PGM5: variants seen among roughly 807,000 people sequenced by gnomAD.
PGM5 encodes the protein phosphoglucomutase-like protein 5.
A neutral mutation model predicts 59.2 loss-of-function variants in PGM5; 23 were observed. That is an observed-to-expected ratio of 0.39 (90% CI 0.28 to 0.55). The LOEUF (loss-of-function observed/expected upper bound fraction) is 0.55, where lower values mean the gene tolerates loss of function less well. Ranked by LOEUF, PGM5 falls within the 20% of genes least tolerant of loss-of-function variation. PGM5 has a pLI of 0.66. For synonymous variants in PGM5, 214 were observed against 286.0 expected (o/e 0.75, Z 2.54); for missense variants, 574 against 748.3 (o/e 0.77, Z 2.72).
chr9:68,390,166 C>T (rs1822328973), intron 4 of PGM5, among the ~76,000 whole-genome samples: 2 of 152,008 alleles, frequency 1.3e-5, no homozygotes, highest in South Asian at 4.1e-4. Flanking sequence ...TCTCCATGGG[C>T]CTTACTCTAA....
rs145715062 is a variant in PGM5, at chr9:68,400,266, C to G, written c.1043+7793C>G. On this transcript the variant is annotated intron_variant, in intron 6 of 10. Coordinates refer to ENST00000396396, the MANE Select transcript of PGM5 (RefSeq NM_021965.4). Reference sequence around the variant, plus strand: ...CTGATTATACAACATGCACAATCTCCTGATTATAGAACACGCATAATCTCC... The same window carrying G: ...CTGATTATACAACATGCACAATCTCGTGATTATAGAACACGCATAATCTCC... Among the ~76,000 whole-genome samples, 922 of 152,212 alleles carry G rather than the reference C, an allele frequency of 6.1e-3. 9 individuals are homozygous for G. Among genetic ancestry groups the G allele is most frequent in the African/African-American group, 0.021 (866 of 41,548 alleles).
chr9:68,416,522 A>C (rs1464746992), intron 6 of PGM5, among the ~76,000 whole-genome samples: 25 of 152,188 alleles, frequency 1.6e-4, no homozygotes, highest in African/African-American at 9.7e-5. Context: ...AAAATAAACT[A>C]TGTGAGTTTG....
At chr9:68,431,039 T>C (rs929740204) in intron 6 of PGM5, among the ~76,000 whole-genome samples, 2 of 152,192 alleles carry the variant, frequency 1.3e-5, no homozygotes, top group African/African-American at 4.8e-5. Flanking sequence ...TCCTGGGCCT[T>C]ATGTCACCAA....
intron 6 of PGM5, chr9:68,397,581 A>G (rs1447093814): frequency 2.0e-5 from 3 of 152,210 alleles, no homozygotes; most frequent in Admixed American, 2.0e-4. Context: ...TATCCACTCA[A>G]GAAATATTTA....
chr9:68,374,893 T>C (rs1821839524), intron 1 of PGM5, among the ~76,000 whole-genome samples: 1 of 152,220 alleles, frequency 6.6e-6, no homozygotes, highest in African/African-American at 2.4e-5. Flanking sequence ...GTAATATGTG[T>C]GAGCACATAT....
chr9:68,458,119 G>A (rs1823806634), intron 6 of PGM5, among the ~76,000 whole-genome samples: 1 of 152,170 alleles, frequency 6.6e-6, no homozygotes, highest in Admixed American at 6.5e-5. Flanking sequence ...CCCAGATGTA[G>A]GGGTCCAGAT....
At chr9:68,514,553 C>G (rs1554689599) in intron 10 of PGM5, among the ~76,000 whole-genome samples, 1 of 152,034 alleles carries the variant, frequency 6.6e-6, no homozygotes, top group East Asian at 1.9e-4. Context: ...TGTGGTGAAC[C>G]AAGATTGCAC....
chr9:68,414,654 AT>A (rs1254522500), intron 6 of PGM5, among the ~76,000 whole-genome samples: 2 of 151,944 alleles, frequency 1.3e-5, no homozygotes, highest in African/African-American at 2.4e-5. Flanking sequence ...GGAGAATCTC[AT>A]TGCCCAAGAA....
Position 68,411,484 on chromosome 9 carries a change from G to GTATATATATATA in PGM5, c.1043+19012_1043+19013insATATATATATAT, listed in dbSNP as rs782186409. On this transcript the variant is annotated intron_variant, in intron 6 of 10. Coordinates refer to ENST00000396396, the MANE Select transcript of PGM5 (RefSeq NM_021965.4). ...AAATATATAATGTGTGTGTGTGTGT[G>GTATATATATATA]TGTGTATATATATATATATGATTTT... is the stretch of plus-strand genomic sequence containing the variant. 2.7e-3 allele frequency among the ~76,000 whole-genome samples: 283 copies of GTATATATATATA among 105,936 alleles called. 3 individuals are homozygous for GTATATATATATA. Among genetic ancestry groups the GTATATATATATA allele is most frequent in the Non-Finnish European group, 2.4e-3 (112 of 46,146 alleles). 69.5% of individuals were successfully genotyped at this position (105,936 alleles called of 152,430 possible).
chr9:68,529,678 A>C lies in PGM5; in HGVS notation c.*22A>C. 1 of 1,463,826 alleles carries C rather than the reference A, an allele frequency of 6.8e-7. No homozygotes were observed. The highest frequency in any genetic ancestry group is 9.4e-7 in the Non-Finnish European group (1 of 1,064,242). 90.7% of individuals were successfully genotyped at this position (1,463,826 alleles called of 1,614,324 possible). A position where few individuals can be genotyped will look rare whatever the true frequency, so the allele number is the denominator to read the frequency against. ...CTGAATAGAGGAAAGATCACTCACC[A>C]GGGCCAAAGAGAGTGCTCAGCGGGA... On this transcript the variant is annotated 3_prime_UTR_variant, in exon 11 of 11. Coordinates refer to ENST00000396396, the MANE Select transcript of PGM5 (RefSeq NM_021965.4).
intron 6 of PGM5, among the ~76,000 whole-genome samples, chr9:68,436,706 AC>A (rs1278326614): frequency 2.0e-5 from 3 of 152,228 alleles, no homozygotes; most frequent in Non-Finnish European, 4.4e-5. Context: ...ATTCAAGGTT[AC>A]TTGAGTTGAG....
At chr9:68,373,809 C>A (rs1438965370) in intron 1 of PGM5, among the ~76,000 whole-genome samples, 3 of 152,184 alleles carry the variant, frequency 2.0e-5, no homozygotes, top group Admixed American at 2.0e-4. Context: ...TCTTGTCTAC[C>A]AAATGGGATG....
chr9:68,463,602 C>T (rs1554685602), intron 6 of PGM5, among the ~76,000 whole-genome samples: 7 of 152,172 alleles, frequency 4.6e-5, no homozygotes. Context: ...AAAAACTTGA[C>T]TTCTCTGAGC....
chr9:68,510,256 C>G (rs928265768), intron 10 of PGM5, among the ~76,000 whole-genome samples: 6 of 149,448 alleles, frequency 4.0e-5, no homozygotes, highest in Non-Finnish European at 8.9e-5. Flanking sequence ...GGTTCACGCC[C>G]TTCTCCTGCC....
intron 8 of PGM5, among the ~76,000 whole-genome samples, chr9:68,479,805 G>T (rs1410489980): frequency 6.6e-6 from 1 of 151,384 alleles, no homozygotes; most frequent in Non-Finnish European, 1.5e-5. Flanking sequence ...GTAGTGGCGG[G>T]CGCCTGTAGT....
At chr9:68,458,718 T>C (rs150564719) in intron 6 of PGM5, among the ~76,000 whole-genome samples, 1 of 152,346 alleles carries the variant, frequency 6.6e-6, no homozygotes, top group Admixed American at 6.5e-5. Context: ...CTAAAATTTA[T>C]ATATATGGTT....
intron 9 of PGM5, among the ~76,000 whole-genome samples, chr9:68,492,232 A>G (rs974795983): frequency 1.9e-4 from 29 of 152,164 alleles, no homozygotes; most frequent in African/African-American, 7.0e-4. Context: ...ACTGGGGTGG[A>G]TATTGTGTGA....
chr9:68,515,794 T>A (rs1554689674), intron 10 of PGM5, among the ~76,000 whole-genome samples: 2 of 152,254 alleles, frequency 1.3e-5, no homozygotes, highest in African/African-American at 4.8e-5. Context: ...GCAAATAAAC[T>A]TAAGCTAGAA....
intron 7 of PGM5, 106 bp downstream of exon 7, chr9:68,465,314 T>A: frequency 4.1e-6 from 3 of 739,488 alleles, no homozygotes; most frequent in Non-Finnish European, 4.7e-6. Context: ...AACAGTTAAG[T>A]AGAGGCAAAA....
Sources: gnomAD v4.1 joint callset for allele counts (sites outside exome capture counted in the v4.1 genomes callset) on GRCh38, gnomAD v4.1.1 for gene constraint, MANE v1.5 for transcripts, NCBI Gene and HGNC (gene_info 2026-07-23, HGNC 2026-07-21) for gene names.